The following CFAP47 variants were observed in gnomAD, a reference collection of about 807,000 sequenced individuals.
CFAP47 encodes cilia- and flagella-associated protein 47.
In CFAP47, 29 loss-of-function variants were observed where a neutral mutation model predicts 148.1. That is an observed-to-expected ratio of 0.20 (90% CI 0.15 to 0.27). The LOEUF (loss-of-function observed/expected upper bound fraction) is 0.27. Ranked by LOEUF, CFAP47 falls within the 10% of genes least tolerant of loss-of-function variation. CFAP47 has a pLI of 1.00. For missense variants in CFAP47, 1,872 were observed against 1,697.5 expected (o/e 1.10, Z -1.81); for synonymous variants, 664 against 577.3 (o/e 1.15, Z -2.15).
At chrX:36,350,002 C>G in intron 58 of CFAP47, 36 bp from the exon 59 acceptor site, 1 of 870,771 alleles carries the variant, frequency 1.1e-6, no homozygotes, top group Non-Finnish European at 1.6e-6. Context: ...GGAGTTTCTC[C>G]TTTTGTTCCC....
intron 37 of CFAP47, among the ~76,000 whole-genome samples, chrX:36,151,782 G>T (rs1939309719): frequency 8.9e-6 from 1 of 111,859 alleles, no homozygotes; most frequent in South Asian, 3.7e-4. Flanking sequence ...TGATATAATT[G>T]TGTCTTAGTC....
At chrX:35,955,868 C>T (rs774554548) in intron 7 of CFAP47, 93 bp from the exon 8 acceptor site, 182 of 1,100,998 alleles carry the variant, frequency 1.7e-4, no homozygotes, top group Non-Finnish European at 1.9e-4. Context: ...ACCCAATTTG[C>T]ATTAGGTATT....
chrX:35,987,993 A>T (rs1488609522), intron 15 of CFAP47, among the ~76,000 whole-genome samples: 2 of 111,117 alleles, frequency 1.8e-5, no homozygotes, highest in African/African-American at 6.6e-5. Flanking sequence ...GGGAATGCAG[A>T]AATCACCCAC....
intron 56 of CFAP47, among the ~76,000 whole-genome samples, chrX:36,313,316 G>A (rs1161633993): frequency 1.8e-5 from 2 of 110,590 alleles, no homozygotes; most frequent in African/African-American, 3.3e-5. Context: ...AAAAAAAACA[G>A]GCATGTGTTA....
rs760409581 is a variant in CFAP47 at position 36,087,819 on chromosome X, A to T, written c.4916+2281A>T. Among the ~76,000 whole-genome samples, 7 of 112,209 alleles carry T rather than the reference A, an allele frequency of 6.2e-5. No homozygotes were observed. The East Asian group carries it at 2.0e-3, about 32-fold the overall frequency. ...AAAGTGGTAAAAGAAAGGGTGAAAA[A>T]TTTGCATTTCAGGAAGGAGAATGTA... is the stretch of plus-strand genomic sequence containing the variant. On this transcript the variant is annotated intron_variant, in intron 30 of 63. Coordinates refer to ENST00000378653, the MANE Select transcript of CFAP47 (RefSeq NM_001304548.2).
chrX:36,025,634 A>C (rs1200635155), intron 22 of CFAP47, among the ~76,000 whole-genome samples: 4 of 111,966 alleles, frequency 3.6e-5, no homozygotes, highest in African/African-American at 9.7e-5. Flanking sequence ...TCTATAAAAA[A>C]AAAGAATTTG....
chrX:36,110,247 T>C (rs1476512608), intron 33 of CFAP47, among the ~76,000 whole-genome samples: 1 of 111,835 alleles, frequency 8.9e-6, no homozygotes, highest in Non-Finnish European at 1.9e-5. Context: ...TACTTTTGGG[T>C]TTTACATTTA....
At chrX:36,168,628 T>C (rs1489918046) in intron 39 of CFAP47, among the ~76,000 whole-genome samples, 1 of 111,641 alleles carries the variant, frequency 9.0e-6, no homozygotes, top group Non-Finnish European at 1.9e-5. Context: ...GGTCTCGCTA[T>C]ATTGCCCAGG....
chrX:36,069,170 T>A (rs1174617580), intron 27 of CFAP47, among the ~76,000 whole-genome samples: 1 of 110,529 alleles, frequency 9.0e-6, no homozygotes, highest in African/African-American at 3.3e-5. Flanking sequence ...AAATTTACCA[T>A]CTTTTATTAA....
In CFAP47 at chrX:36,236,871, T is replaced by C. The variant is rs193105274; in HGVS notation, c.7332+12T>C. 43 of 440,524 alleles carry C rather than the reference T, an allele frequency of 9.8e-5. No homozygotes were observed. In the African/African-American group the frequency reaches 1.0e-3, roughly 11 times the overall value. The allele number at this position is 440,524 out of a possible 1,213,427, so 36.3% of individuals were successfully genotyped here. The stretch of plus-strand genomic sequence containing the variant: ...CCCTAACATTTAAGGTAAGAATTTA[T>C]TTTTAGTGTGAAAGTGTTTTTTTCT... On this transcript the variant is annotated intron_variant, in intron 48 of 63. Transcript: ENST00000378653.
At chrX:36,197,945 A>C (rs1298718524) in intron 42 of CFAP47, among the ~76,000 whole-genome samples, 1 of 111,768 alleles carries the variant, frequency 8.9e-6, no homozygotes, top group Non-Finnish European at 1.9e-5. Flanking sequence ...GAAATTTTTC[A>C]TTCTTATATT....
chrX:36,282,847 A>AT (rs1360745343), intron 50 of CFAP47, among the ~76,000 whole-genome samples: 34 of 111,913 alleles, frequency 3.0e-4, no homozygotes, highest in African/African-American at 1.0e-3. Flanking sequence ...ACTTTTAATA[A>AT]TTTTTTATCT....
chrX:36,217,731 A>T (rs1412511958), intron 45 of CFAP47, among the ~76,000 whole-genome samples: 1 of 112,135 alleles, frequency 8.9e-6, no homozygotes, highest in Non-Finnish European at 1.9e-5. Context: ...TATGTTATTT[A>T]AAAAAATACA....
At chrX:35,941,437 G>A in intron 3 of CFAP47, 39 bp downstream of exon 3, 4 of 729,912 alleles carry the variant, frequency 5.5e-6, no homozygotes, top group Non-Finnish European at 7.9e-6. Context: ...ACTTTTAGAA[G>A]AGTTGGTATT....
chrX:36,232,963 C>T (rs1228970359), intron 46 of CFAP47, among the ~76,000 whole-genome samples: 12 of 112,071 alleles, frequency 1.1e-4, no homozygotes, highest in South Asian at 3.7e-4. Flanking sequence ...AGTTTGATTG[C>T]ACTGTGGTCT....
intron 33 of CFAP47, among the ~76,000 whole-genome samples, chrX:36,116,807 A>G (rs968475295): frequency 9.0e-6 from 1 of 111,712 alleles, no homozygotes; most frequent in Non-Finnish European, 1.9e-5. Context: ...ATTTTTGACT[A>G]TAGTCACCCT....
intron 45 of CFAP47, among the ~76,000 whole-genome samples, chrX:36,212,012 T>A (rs1441065011): frequency 9.0e-6 from 1 of 111,517 alleles, no homozygotes; most frequent in African/African-American, 3.3e-5. Context: ...TTCTCGTTAG[T>A]GCACAGCACA....
At chrX:35,935,824 T>C (rs1030643737) in intron 2 of CFAP47, among the ~76,000 whole-genome samples, 2 of 111,516 alleles carry the variant, frequency 1.8e-5, no homozygotes, top group African/African-American at 6.5e-5. Flanking sequence ...AGAAAAATAT[T>C]GTGACACTTC....
chrX:36,304,274 C>T (rs1161643032), intron 54 of CFAP47, among the ~76,000 whole-genome samples: 1 of 108,621 alleles, frequency 9.2e-6, no homozygotes, highest in African/African-American at 3.4e-5. Flanking sequence ...CCCAGCTACT[C>T]GGGAGGCTGA....
Sources: gnomAD v4.1 joint callset for allele counts (sites outside exome capture counted in the v4.1 genomes callset) on GRCh38, gnomAD v4.1.1 for gene constraint, MANE v1.5 for transcripts, NCBI Gene and HGNC (gene_info 2026-07-23, HGNC 2026-07-21) for gene names.